CYB5R4: variants seen among roughly 807,000 people sequenced by gnomAD.
CYB5R4 encodes cytochrome b5 reductase 4.
In CYB5R4, 55 loss-of-function variants were observed where a neutral mutation model predicts 70.2. That is an observed-to-expected ratio of 0.78 (90% CI 0.63 to 0.98). The LOEUF (loss-of-function observed/expected upper bound fraction) is 0.98. Ranked by LOEUF, CYB5R4 falls within the 50% of genes least tolerant of loss-of-function variation. The pLI is 0.00. For synonymous variants in CYB5R4, 197 were observed against 199.5 expected (o/e 0.99, Z 0.11); for missense variants, 562 against 612.6 (o/e 0.92, Z 0.87).
intron 14 of CYB5R4, among the ~76,000 whole-genome samples, chr6:83,954,184 A>G (rs898491262): frequency 1.3e-5 from 2 of 152,166 alleles, no homozygotes; most frequent in African/African-American, 4.8e-5. Context: ...GGAATTGTCT[A>G]TATTTTGATA....
chr6:83,911,896 A>G (rs775152916), intron 4 of CYB5R4, among the ~76,000 whole-genome samples: 21 of 151,898 alleles, frequency 1.4e-4, no homozygotes, highest in Non-Finnish European at 3.1e-4. Context: ...AGAAAAAAAA[A>G]TTACAAAAAT....
intron 5 of CYB5R4, among the ~76,000 whole-genome samples, chr6:83,916,040 GT>G (rs139744691): frequency 0.013 from 1,931 of 151,458 alleles, 44 homozygotes; most frequent in African/African-American, 0.044. Context: ...AAGTTTGAGG[GT>G]TTTTTTTGTT....
intron 2 of CYB5R4, among the ~76,000 whole-genome samples, chr6:83,879,405 G>T (rs927280675): frequency 5.9e-5 from 9 of 152,128 alleles, no homozygotes; most frequent in African/African-American, 2.2e-4. Flanking sequence ...TAGTGTCAGT[G>T]CAGGATAAGG....
chr6:83,940,011 T>G, intron 12 of CYB5R4, 45 bp from the exon 13 acceptor site: 2 of 1,443,622 alleles, frequency 1.4e-6, no homozygotes, highest in Non-Finnish European at 1.9e-6. Flanking sequence ...TTGTTTTGTT[T>G]TTTGTTTTTT....
At chr6:83,882,381 C>T (rs192939224) in intron 2 of CYB5R4, among the ~76,000 whole-genome samples, 2 of 152,154 alleles carry the variant, frequency 1.3e-5, no homozygotes, top group African/African-American at 2.4e-5. Flanking sequence ...GGGACAGACT[C>T]TATGCTACCT....
Position 83,962,987 on chromosome 6 carries a change from T to G in CYB5R4, c.*3109T>G, listed in dbSNP as rs1269847309. ...AATTCCCTTTCTGCCATATCTTTCTTGCCCTAGCAAGAGTTCACTGCTTTT... is the reference window on the plus strand; with the variant it reads ...AATTCCCTTTCTGCCATATCTTTCTGGCCCTAGCAAGAGTTCACTGCTTTT... On this transcript the variant is annotated 3_prime_UTR_variant, in exon 16 of 16. Coordinates refer to ENST00000369681, the MANE Select transcript of CYB5R4 (RefSeq NM_016230.4). 6.6e-6 allele frequency: 1 copy of G among 152,236 alleles called. No homozygotes were observed. The highest frequency in any genetic ancestry group is 2.4e-5 in the African/African-American group (1 of 41,458). The allele number at this position is 152,236 out of a possible 1,614,324, so 9.4% of individuals were successfully genotyped here.
chr6:83,884,851 TTGAATGAA>T (rs910636198), intron 2 of CYB5R4, among the ~76,000 whole-genome samples: 2 of 152,200 alleles, frequency 1.3e-5, no homozygotes, highest in African/African-American at 4.8e-5. Flanking sequence ...TGAATTTTTG[TTGAATGAA>T]TATAATGTGG....
intron 10 of CYB5R4, among the ~76,000 whole-genome samples, chr6:83,929,793 A>AGAAG (rs2099467882): frequency 6.6e-6 from 1 of 152,154 alleles, no homozygotes; most frequent in South Asian, 2.1e-4. Context: ...GTCTTGGATC[A>AGAAG]CCAAACAAAG....
chr6:83,961,213 C>T lies in CYB5R4; in HGVS notation c.*1335C>T, dbSNP rs2099473289. The T allele has an allele frequency of 6.6e-6, 1 of 152,138 alleles. No individual in the cohort carries two copies. The highest frequency in any genetic ancestry group is 1.5e-5 in the Non-Finnish European group (1 of 68,032). The allele number at this position is 152,138 out of a possible 1,614,324, so 9.4% of individuals were successfully genotyped here. On this transcript the variant is annotated 3_prime_UTR_variant, in exon 16 of 16. Coordinates refer to ENST00000369681, the MANE Select transcript of CYB5R4 (RefSeq NM_016230.4). Reference sequence around the variant, plus strand: ...GTGCCTCTGTCTTCTGTAGCCAATTCCACCATCATCATTATTCACAAAGAC... The same window carrying T: ...GTGCCTCTGTCTTCTGTAGCCAATTTCACCATCATCATTATTCACAAAGAC...
At chr6:83,909,196 A>T (rs1588572811) in intron 4 of CYB5R4, 106 bp downstream of exon 4, 2 of 833,274 alleles carry the variant, frequency 2.4e-6, no homozygotes. Context: ...TGGTTTTGTA[A>T]TTTTCATTGG....
intron 11 of CYB5R4, among the ~76,000 whole-genome samples, chr6:83,935,812 C>A (rs996363155): frequency 6.6e-6 from 1 of 151,962 alleles, no homozygotes; most frequent in African/African-American, 2.4e-5. Flanking sequence ...TCATCAGTAA[C>A]ATTTTTAAAA....
intron 1 of CYB5R4, among the ~76,000 whole-genome samples, chr6:83,863,074 T>C (rs78170762): frequency 0.014 from 2,163 of 152,322 alleles, 51 homozygotes; most frequent in African/African-American, 0.049. Context: ...CTTAGTTCCA[T>C]AGAGATATCT....
chr6:83,892,395 C>T (rs2099461242), intron 2 of CYB5R4, among the ~76,000 whole-genome samples: 1 of 151,986 alleles, frequency 6.6e-6, no homozygotes, highest in South Asian at 2.1e-4. Context: ...TCATGGAAGT[C>T]ATCATATAAA....
chr6:83,873,570 T>C (rs930557003), intron 2 of CYB5R4, among the ~76,000 whole-genome samples: 1 of 152,154 alleles, frequency 6.6e-6, no homozygotes, highest in South Asian at 2.1e-4. Context: ...TGATGAAACA[T>C]AGTTTTTGCT....
chr6:83,875,824 C>T (rs2099458454), intron 2 of CYB5R4, among the ~76,000 whole-genome samples: 2 of 152,104 alleles, frequency 1.3e-5, no homozygotes, highest in South Asian at 2.1e-4. Flanking sequence ...CTTTGTTCTC[C>T]AGATATCAGG....
intron 10 of CYB5R4, among the ~76,000 whole-genome samples, chr6:83,931,561 C>T (rs906728761): frequency 6.6e-6 from 1 of 151,978 alleles, no homozygotes; most frequent in Admixed American, 6.6e-5. Context: ...AGTATTTCAC[C>T]CTTACCCTGA....
chr6:83,952,960 C>T (rs2099471772), intron 14 of CYB5R4, among the ~76,000 whole-genome samples: 1 of 152,116 alleles, frequency 6.6e-6, no homozygotes, highest in African/African-American at 2.4e-5. Context: ...GAACAGTATA[C>T]CTGAAACTGT....
At chr6:83,888,069 G>A (rs563162403) in intron 2 of CYB5R4, among the ~76,000 whole-genome samples, 2 of 152,162 alleles carry the variant, frequency 1.3e-5, no homozygotes, top group East Asian at 3.9e-4. Context: ...TATATCTGCT[G>A]GCCCATAATT....
chr6:83,921,501 C>T (rs1410419324), intron 8 of CYB5R4, among the ~76,000 whole-genome samples: 1 of 152,242 alleles, frequency 6.6e-6, no homozygotes, highest in African/African-American at 2.4e-5. Context: ...GTCTTACTGA[C>T]TGTCCTTCGC....
Sources: allele counts gnomAD v4.1 joint callset (sites outside exome capture counted in the v4.1 genomes callset), GRCh38; gene constraint gnomAD v4.1.1; transcripts MANE v1.5; gene names NCBI Gene and HGNC (gene_info 2026-07-23, HGNC 2026-07-21).